TDRD1: variants seen among roughly 807,000 people sequenced by gnomAD.
TDRD1 encodes tudor domain containing 1.
A neutral mutation model predicts 140.6 loss-of-function variants in TDRD1; 37 were observed. The ratio of observed to expected loss-of-function variants is 0.26; its 90% CI spans 0.20 to 0.35. TDRD1 has a LOEUF of 0.35. Ranked by LOEUF, TDRD1 falls within the 10% of genes least tolerant of loss-of-function variation. TDRD1 has a pLI of 1.00. For synonymous variants in TDRD1, 506 were observed against 475.7 expected, an observed-to-expected ratio of 1.06 and a Z score of -0.83; for missense variants, 1,243 against 1,393.0, an observed-to-expected ratio of 0.89 and a Z score of 1.71.
At chr10:114,217,837 T>C (rs958409140) in intron 17 of TDRD1, among the ~76,000 whole-genome samples, 182 bp downstream of exon 17, 11 of 152,248 alleles carry the variant, frequency 7.2e-5, no homozygotes, top group African/African-American at 2.7e-4. Flanking sequence ...AGTGATACTT[T>C]CTTGCCTTAA....
chr10:114,217,424 T>C lies in TDRD1; in HGVS notation c.2213-121T>C, dbSNP rs1184341807. 5.6e-6 allele frequency: 3 copies of C among 539,590 alleles called. No homozygotes were observed. In the African/African-American group the frequency reaches 6.0e-5, roughly 11 times the overall value. 33.4% of individuals were successfully genotyped at this position (539,590 alleles called of 1,614,324 possible). On this transcript the variant is annotated intron_variant, in intron 16 of 25. Transcript: ENST00000251864. ...AAGGAAAAGCATTGGGTAGACTTAATAGTAGTTTAGGGAGGTACCTGTCTT... is the reference window on the plus strand; with the variant it reads ...AAGGAAAAGCATTGGGTAGACTTAACAGTAGTTTAGGGAGGTACCTGTCTT...
intron 3 of TDRD1, among the ~76,000 whole-genome samples, chr10:114,195,434 C>G (rs2034277222): frequency 6.6e-6 from 1 of 152,276 alleles, no homozygotes; most frequent in Non-Finnish European, 1.5e-5. Flanking sequence ...ATTAAAGTCT[C>G]TAACTATAGT....
intron 16 of TDRD1, 105 bp downstream of exon 16, chr10:114,214,219 G>A: frequency 2.2e-6 from 2 of 927,266 alleles, no homozygotes; most frequent in East Asian, 2.5e-5. Context: ...TTTCCAAGAA[G>A]AGCCAAGTGG....
At chr10:114,224,317 G>A in intron 21 of TDRD1, among the ~76,000 whole-genome samples, 1 of 152,160 alleles carries the variant, frequency 6.6e-6, no homozygotes. Context: ...CACAAACTTT[G>A]TATGTTTTTT....
chr10:114,181,141 C>T (rs1388370084), intron 1 of TDRD1, among the ~76,000 whole-genome samples: 1 of 152,220 alleles, frequency 6.6e-6, no homozygotes, highest in Non-Finnish European at 1.5e-5. Flanking sequence ...TTTCAGTCCA[C>T]TACTCTTCTA....
chr10:114,203,106 C>G (rs1371483008), exon 7 of TDRD1: 2 of 1,613,746 alleles, frequency 1.2e-6, no homozygotes, highest in South Asian at 2.2e-5. Flanking sequence ...AAGGAAATAG[C>G]CATTTGGGCT....
At chr10:114,218,701 T>C (rs1418450045) in intron 18 of TDRD1, 117 bp downstream of exon 18, 3 of 746,074 alleles carry the variant, frequency 4.0e-6, no homozygotes, top group Non-Finnish European at 6.0e-6. Flanking sequence ...CTTCATATTA[T>C]AAAACTTAGA....
At chr10:114,223,767 T>C (rs918357252) in intron 21 of TDRD1, among the ~76,000 whole-genome samples, 1 of 152,234 alleles carries the variant, frequency 6.6e-6, no homozygotes, top group Non-Finnish European at 1.5e-5. Flanking sequence ...TAGTGTTCTA[T>C]AGACTGTCAC....
intron 2 of TDRD1, among the ~76,000 whole-genome samples, chr10:114,190,345 AAGCTGTGTAGGGTCCTC>A (rs1400514068): frequency 1.3e-5 from 2 of 152,250 alleles, no homozygotes; most frequent in Non-Finnish European, 2.9e-5. Context: ...ATGTAAACAA[AAGCTGTGTAGGGTCCTC>A]AGCTTTTAAA....
At chr10:114,201,990 GTC>G (rs1374052079) in intron 5 of TDRD1, among the ~76,000 whole-genome samples, 10 of 152,260 alleles carry the variant, frequency 6.6e-5, no homozygotes, top group Admixed American at 6.5e-4. Flanking sequence ...CTCTCTGTCT[GTC>G]TCCCCCCAAC....
chr10:114,213,845 G>A (rs975884490), intron 15 of TDRD1, 132 bp from the exon 16 acceptor site: 13 of 782,308 alleles, frequency 1.7e-5, no homozygotes, highest in Middle Eastern at 4.9e-4. Context: ...CTGACTTTAC[G>A]GTTAATATTC....
intron 1 of TDRD1, 96 bp from the exon 2 acceptor site, chr10:114,187,730 G>A: frequency 8.9e-7 from 1 of 1,129,590 alleles, no homozygotes; most frequent in Non-Finnish European, 1.3e-6. Flanking sequence ...GGCATTATCT[G>A]TTACGTAAAT....
At chr10:114,187,581 C>T (rs1265163084) in intron 1 of TDRD1, among the ~76,000 whole-genome samples, 1 of 152,142 alleles carries the variant, frequency 6.6e-6, no homozygotes, top group Non-Finnish European at 1.5e-5. Flanking sequence ...TGGTGTTGAA[C>T]GCTGAGATTT....
chr10:114,198,373 G>A (rs1454081575), intron 3 of TDRD1, among the ~76,000 whole-genome samples: 3 of 152,162 alleles, frequency 2.0e-5, no homozygotes, highest in Non-Finnish European at 4.4e-5. Flanking sequence ...TGTGGCCTCC[G>A]TAGGGAGGGA....
At chr10:114,221,599 G>C in intron 20 of TDRD1, 123 bp downstream of exon 20, 1 of 955,268 alleles carries the variant, frequency 1.0e-6, no homozygotes. Context: ...AGGAAGAACT[G>C]ATCATAACAC....
rs1467711203 is a variant in TDRD1 at position 114,198,602 on chromosome 10, G to A, written c.385-571G>A. 3.4e-5 allele frequency among the ~76,000 whole-genome samples: 5 copies of A among 146,902 alleles called. No individual in the cohort carries two copies. The East Asian group carries it at 1.0e-3, about 30-fold the overall frequency. ...TAATGTTAAGTTTTCTGTCTTGCTG[G>A]TCTGCCTCTTTTCTCATCCTTTGGC... is the stretch of plus-strand genomic sequence containing the variant. On this transcript the variant is annotated intron_variant, in intron 3 of 25. Coordinates refer to ENST00000251864, the Ensembl canonical transcript of TDRD1.
At chr10:114,232,504 C>CTTTTT (rs140805425), downstream of TDRD1, among the ~76,000 whole-genome samples, 9 of 81,676 alleles carry the variant, frequency 1.1e-4, no homozygotes, top group South Asian at 5.2e-4. Context: ...ACTTGAAAGA[C>CTTTTT]TTTTTTTTTT....
chr10:114,209,153 G>A (rs1488571739), intron 11 of TDRD1, among the ~76,000 whole-genome samples: 1 of 152,084 alleles, frequency 6.6e-6, no homozygotes, highest in Non-Finnish European at 1.5e-5. Flanking sequence ...CCAGGAGTTT[G>A]AGGCCCCAGT....
chr10:114,214,205 C>A, intron 16 of TDRD1, 91 bp downstream of exon 16: 2 of 1,158,974 alleles, frequency 1.7e-6, no homozygotes, highest in East Asian at 2.4e-5. Flanking sequence ...GATAAAAGTA[C>A]CTCTTTCCAA....
Sources: allele counts gnomAD v4.1 joint callset (sites outside exome capture counted in the v4.1 genomes callset), GRCh38; gene constraint gnomAD v4.1.1; transcripts MANE v1.5; gene names NCBI Gene and HGNC (gene_info 2026-07-23, HGNC 2026-07-21).